HS3ST5: variants seen among roughly 807,000 people sequenced by gnomAD.
HS3ST5 encodes heparan sulfate-glucosamine 3-sulfotransferase 5, also known as heparan sulfate glucosamine 3-O-sulfotransferase 5.
Under a neutral mutation model 25.4 loss-of-function variants are expected in HS3ST5, and 10 were observed. The observed-to-expected ratio is 0.39, with a 90% CI of 0.24 to 0.67. The LOEUF (loss-of-function observed/expected upper bound fraction) is 0.67. HS3ST5 is among the 30% of genes least tolerant of loss of function. HS3ST5 has a pLI of 0.44. For missense variants in HS3ST5, 324 were observed against 420.7 expected (o/e 0.77, Z 2.01); for synonymous variants, 170 against 162.4 (o/e 1.05, Z -0.36).
Position 114,104,062 on chromosome 6 carries a change from C to T in HS3ST5, c.-32-41185G>A, listed in dbSNP as rs1002847660. On this transcript the variant is annotated intron_variant, in intron 3 of 4. Coordinates refer to ENST00000312719, the MANE Select transcript of HS3ST5 (RefSeq NM_153612.4). ...ATTCCTTTTGGTATTTAAAACAATT[C>T]TGTTATCCAGGGAGGGGGAGTGCTA... Among the ~76,000 whole-genome samples, 34 of 151,894 alleles carry T rather than the reference C, an allele frequency of 2.2e-4. 1 individual carries two copies. Among genetic ancestry groups the T allele is most frequent in the African/African-American group, 7.7e-4 (32 of 41,404 alleles).
chr6:114,303,233 A>AT (rs1189113135), intron 1 of HS3ST5, among the ~76,000 whole-genome samples: 1 of 151,968 alleles, frequency 6.6e-6, no homozygotes, highest in African/African-American at 2.4e-5. Flanking sequence ...ATTCCCAAAG[A>AT]TTTTTTTGTG....
chr6:114,140,956 A>G (rs1262325513), intron 3 of HS3ST5, among the ~76,000 whole-genome samples: 2 of 152,224 alleles, frequency 1.3e-5, no homozygotes, highest in African/African-American at 4.8e-5. Context: ...ATAAGGATTA[A>G]ATAAGATAGA....
chr6:114,236,418 T>C (rs1272239364), intron 1 of HS3ST5, among the ~76,000 whole-genome samples: 1 of 152,230 alleles, frequency 6.6e-6, no homozygotes, highest in Non-Finnish European at 1.5e-5. Context: ...TCACAGAATA[T>C]CCTCATACTT....
At chr6:114,234,873 G>T (rs1377160865) in intron 1 of HS3ST5, among the ~76,000 whole-genome samples, 1 of 152,038 alleles carries the variant, frequency 6.6e-6, no homozygotes, top group African/African-American at 2.4e-5. Context: ...CTGGGGCCAG[G>T]TGGGGTGGCT....
chr6:114,260,914 T>C (rs1773141595), intron 1 of HS3ST5, among the ~76,000 whole-genome samples: 1 of 136,106 alleles, frequency 7.3e-6, no homozygotes, highest in African/African-American at 2.9e-5. Context: ...AAAATAGGCA[T>C]GATGGCATGA....
chr6:114,074,925 C>A (rs1458660664), intron 3 of HS3ST5, among the ~76,000 whole-genome samples: 1 of 152,110 alleles, frequency 6.6e-6, no homozygotes, highest in Non-Finnish European at 1.5e-5. Flanking sequence ...TGCTTCAAAA[C>A]TTTTTTTCTT....
intron 2 of HS3ST5, among the ~76,000 whole-genome samples, chr6:114,202,972 A>T (rs940979875): frequency 6.6e-6 from 1 of 152,192 alleles, no homozygotes; most frequent in Non-Finnish European, 1.5e-5. Flanking sequence ...TTTAACCAAA[A>T]ACAGAATAGT....
chr6:114,334,592 C>G (rs1776533290), intron 1 of HS3ST5, among the ~76,000 whole-genome samples: 1 of 152,162 alleles, frequency 6.6e-6, no homozygotes, highest in Non-Finnish European at 1.5e-5. Context: ...ATACACAAAT[C>G]CTTAACATTG....
chr6:114,097,733 C>G (rs562640347), intron 3 of HS3ST5, among the ~76,000 whole-genome samples: 1 of 151,898 alleles, frequency 6.6e-6, no homozygotes, highest in Admixed American at 6.6e-5. Context: ...CTGAGCTCTA[C>G]TTCCTTATTC....
intron 3 of HS3ST5, among the ~76,000 whole-genome samples, chr6:114,079,216 T>C (rs1774316082): frequency 6.6e-6 from 1 of 152,202 alleles, no homozygotes. Context: ...CTCTTCTTTT[T>C]ATGAAAGAGT....
At chr6:114,213,424 C>T (rs1369253223) in intron 2 of HS3ST5, among the ~76,000 whole-genome samples, 2 of 151,988 alleles carry the variant, frequency 1.3e-5, no homozygotes, top group Non-Finnish European at 2.9e-5. Flanking sequence ...CATGTTCTCA[C>T]TCTGGGCTGT....
At chr6:114,134,266 G>C (rs1777486633) in intron 3 of HS3ST5, among the ~76,000 whole-genome samples, 1 of 152,166 alleles carries the variant, frequency 6.6e-6, no homozygotes, top group South Asian at 2.1e-4. Context: ...CCCATGAGGA[G>C]CGTATGATTA....
At chr6:114,235,913 T>C (rs535807350) in intron 1 of HS3ST5, 4 of 152,372 alleles carry the variant, frequency 2.6e-5, no homozygotes, top group East Asian at 1.9e-4. Context: ...AGAATATCAA[T>C]GTTTTGGCAA....
intron 1 of HS3ST5, among the ~76,000 whole-genome samples, chr6:114,325,631 G>A (rs1016239461): frequency 3.3e-5 from 5 of 151,762 alleles, no homozygotes; most frequent in Non-Finnish European, 5.9e-5. Flanking sequence ...CACTGTTAAC[G>A]CAGGTTTTAA....
chr6:114,234,680 T>A (rs886492056), intron 1 of HS3ST5, among the ~76,000 whole-genome samples: 1 of 152,172 alleles, frequency 6.6e-6, no homozygotes, highest in Non-Finnish European at 1.5e-5. Context: ...ACATGCTTCT[T>A]TTCTGTACTT....
intron 2 of HS3ST5, among the ~76,000 whole-genome samples, chr6:114,173,038 T>G (rs1265393189): frequency 1.3e-5 from 2 of 152,236 alleles, no homozygotes; most frequent in East Asian, 3.8e-4. Flanking sequence ...TCTTTTGTGT[T>G]TGCTTTGGAA....
chr6:114,168,056 A>G (rs1387889249), intron 3 of HS3ST5, among the ~76,000 whole-genome samples: 1 of 152,206 alleles, frequency 6.6e-6, no homozygotes, highest in African/African-American at 2.4e-5. Flanking sequence ...AAACACACAC[A>G]CAAACAAAAA....
chr6:114,247,101 C>T (rs1205100092), intron 1 of HS3ST5, among the ~76,000 whole-genome samples: 1 of 152,136 alleles, frequency 6.6e-6, no homozygotes, highest in Non-Finnish European at 1.5e-5. Flanking sequence ...TTTATTTTGC[C>T]ATCATGGTGG....
intron 3 of HS3ST5, among the ~76,000 whole-genome samples, chr6:114,141,574 G>A (rs1253894366): frequency 6.6e-6 from 1 of 152,146 alleles, no homozygotes; most frequent in African/African-American, 2.4e-5. Flanking sequence ...CATTTCCCTG[G>A]TTGTTCTTTT....
Sources: allele counts gnomAD v4.1 joint callset (sites outside exome capture counted in the v4.1 genomes callset), GRCh38; gene constraint gnomAD v4.1.1; transcripts MANE v1.5; gene names NCBI Gene and HGNC (gene_info 2026-07-23, HGNC 2026-07-21).